The following MORC1 variants were observed in gnomAD, a reference collection of about 807,000 sequenced individuals.
The protein encoded by MORC1 is MORC family CW-type zinc finger protein 1.
In MORC1, 59 loss-of-function variants were observed where a neutral mutation model predicts 134.9. That is an observed-to-expected ratio of 0.44 (90% confidence interval 0.35 to 0.54). The LOEUF (loss-of-function observed/expected upper bound fraction) is 0.54. MORC1 is among the 20% of genes least tolerant of loss of function. The probability of loss-of-function intolerance (pLI) is 0.00; values close to 1 mark genes in which losing one functional copy is unlikely to be tolerated. For synonymous variants in MORC1, 395 were observed against 391.7 expected (o/e 1.01, Z -0.10); for missense variants, 947 against 1,134.5 (o/e 0.83, Z 2.37).
At chr3:108,998,109 T>C (rs1441899769) in intron 21 of MORC1, among the ~76,000 whole-genome samples, 1 of 152,222 alleles carries the variant, frequency 6.6e-6, no homozygotes, top group Non-Finnish European at 1.5e-5. Context: ...CTGTCTTAGC[T>C]GGACGCCTTT....
intron 6 of MORC1, among the ~76,000 whole-genome samples, chr3:109,096,296 A>G (rs1251944584): frequency 1.3e-5 from 2 of 152,166 alleles, no homozygotes; most frequent in East Asian, 3.9e-4. Context: ...ACTGGGCTGC[A>G]TGTTCATGTT....
At chr3:108,995,421 T>TA (rs1242180054) in intron 21 of MORC1, among the ~76,000 whole-genome samples, 15 of 152,212 alleles carry the variant, frequency 9.9e-5, no homozygotes, top group African/African-American at 3.6e-4. Context: ...CACTATTCAT[T>TA]AAAAAACAGG....
chr3:109,013,811 T>C (rs1211844875), intron 17 of MORC1, among the ~76,000 whole-genome samples: 9 of 152,126 alleles, frequency 5.9e-5, no homozygotes, highest in Admixed American at 5.9e-4. Flanking sequence ...GGGAGGTGTT[T>C]AGGTTATGAG....
intron 17 of MORC1, among the ~76,000 whole-genome samples, chr3:109,025,838 A>G (rs1949062008): frequency 1.3e-5 from 2 of 152,346 alleles, no homozygotes; most frequent in South Asian, 4.1e-4. Context: ...ATCCACAAAA[A>G]GACTGTATAA....
intron 26 of MORC1, among the ~76,000 whole-genome samples, chr3:108,968,618 T>C (rs1947282473): frequency 6.6e-6 from 1 of 152,232 alleles, no homozygotes; most frequent in African/African-American, 2.4e-5. Context: ...TATGAGGCAG[T>C]GTCTCTGCTT....
intron 16 of MORC1, 86 bp from the exon 17 acceptor site, chr3:109,027,975 A>G (rs142558948): frequency 0.016 from 22,184 of 1,419,490 alleles, 256 homozygotes; most frequent in Non-Finnish European, 0.02. Flanking sequence ...TTCTACAAGG[A>G]GTTACTCTTT....
At chr3:109,022,964 A>C (rs982287418) in intron 17 of MORC1, among the ~76,000 whole-genome samples, 1 of 152,238 alleles carries the variant, frequency 6.6e-6, no homozygotes, top group African/African-American at 2.4e-5. Flanking sequence ...GAAGTAAAAC[A>C]TGCTCTAAGA....
intron 11 of MORC1, among the ~76,000 whole-genome samples, chr3:109,061,623 T>C (rs1225209403): frequency 6.6e-6 from 1 of 152,170 alleles, no homozygotes; most frequent in Non-Finnish European, 1.5e-5. Flanking sequence ...TGAATAGATA[T>C]TTTCAAGGAG....
rs1950120278 is a variant in MORC1 at position 109,063,133 on chromosome 3, G to A, written c.895+19C>T. 9.1e-6 allele frequency: 14 copies of A among 1,546,170 alleles called. No homozygotes were observed. The South Asian group carries it at 1.6e-4, about 18-fold the overall frequency. ...GAATGACTGAACAACAATGATGTAG[G>A]CTACAGGTAATCGCATACCAATCTT... is the stretch of plus-strand genomic sequence containing the variant. On this transcript the variant is annotated intron_variant, in intron 10 of 27. Coordinates refer to ENST00000232603, the MANE Select transcript of MORC1 (RefSeq NM_014429.4).
intron 26 of MORC1, among the ~76,000 whole-genome samples, chr3:108,965,741 G>A (rs1016725411): frequency 1.3e-5 from 2 of 152,112 alleles, no homozygotes; most frequent in African/African-American, 4.8e-5. Flanking sequence ...GAAACCGGGT[G>A]ATGAGTACAC....
intron 3 of MORC1, among the ~76,000 whole-genome samples, chr3:109,108,608 A>T (rs1356787570): frequency 6.6e-6 from 1 of 152,156 alleles, no homozygotes; most frequent in Non-Finnish European, 1.5e-5. Context: ...TAAAAAAGAA[A>T]AGAGCTCAGC....
intron 18 of MORC1, among the ~76,000 whole-genome samples, chr3:109,005,892 C>T (rs1559887436): frequency 6.6e-6 from 1 of 152,102 alleles, no homozygotes; most frequent in Non-Finnish European, 1.5e-5. Context: ...GTCAAGTAAC[C>T]CTCTCCGCAA....
chr3:109,069,586 T>A, intron 9 of MORC1, 46 bp downstream of exon 9: 1 of 1,500,040 alleles, frequency 6.7e-7, no homozygotes, highest in Non-Finnish European at 9.0e-7. Context: ...CATATCAATT[T>A]TATAAATAAA....
intron 8 of MORC1, among the ~76,000 whole-genome samples, chr3:109,091,017 G>A (rs992456967): frequency 3.3e-5 from 5 of 151,962 alleles, no homozygotes; most frequent in Admixed American, 2.0e-4. Context: ...TAATCCTTTA[G>A]GACTAAGAAT....
chr3:108,998,981 G>C (rs1948316599), intron 21 of MORC1, among the ~76,000 whole-genome samples: 2 of 152,290 alleles, frequency 1.3e-5, no homozygotes, highest in South Asian at 4.1e-4. Context: ...GACAAAGTAA[G>C]GGCTCCATGA....
intron 16 of MORC1, among the ~76,000 whole-genome samples, chr3:109,031,357 G>T (rs748053915): frequency 6.6e-6 from 1 of 152,174 alleles, no homozygotes; most frequent in Non-Finnish European, 1.5e-5. Flanking sequence ...GGGAAGCTTA[G>T]TTAAAGGGAG....
chr3:109,013,431 G>A (rs964290269), intron 17 of MORC1, among the ~76,000 whole-genome samples: 2 of 152,094 alleles, frequency 1.3e-5, no homozygotes, highest in East Asian at 3.9e-4. Flanking sequence ...TACTGCTTCT[G>A]CAAATTGTGA....
At chr3:109,043,350 T>C (rs1446821142) in intron 14 of MORC1, among the ~76,000 whole-genome samples, 1 of 152,120 alleles carries the variant, frequency 6.6e-6, no homozygotes, top group East Asian at 1.9e-4. Flanking sequence ...ATGAGGTACT[T>C]AGAGTAGTCA....
At chr3:109,099,840 A>C (rs1950893526) in intron 5 of MORC1, among the ~76,000 whole-genome samples, 1 of 152,232 alleles carries the variant, frequency 6.6e-6, no homozygotes, top group African/African-American at 2.4e-5. Flanking sequence ...AAACAACAGA[A>C]CATAGAGATG....
Sources: gnomAD v4.1 joint callset for allele counts (sites outside exome capture counted in the v4.1 genomes callset) on GRCh38, gnomAD v4.1.1 for gene constraint, MANE v1.5 for transcripts, NCBI Gene and HGNC (gene_info 2026-07-23, HGNC 2026-07-21) for gene names.